Variants in TGM2 observed in about 807,000 individuals in gnomAD.
TGM2 encodes protein-glutamine gamma-glutamyltransferase 2.
Under a neutral mutation model 75.6 loss-of-function variants are expected in TGM2, and 53 were observed. That is an observed-to-expected ratio of 0.70 (90% confidence interval 0.56 to 0.88). The LOEUF is 0.88. TGM2 is among the 40% of genes least tolerant of loss of function. The pLI, the probability that TGM2 is intolerant of heterozygous loss-of-function variation, is 0.00. For synonymous variants in TGM2, 374 were observed against 381.1 expected (o/e 0.98, Z 0.22); for missense variants, 842 against 928.5 (o/e 0.91, Z 1.21).
At chr20:38,142,042 C>T (rs1462126943) in intron 7 of TGM2, 22 bp downstream of exon 7, 4 of 1,614,036 alleles carry the variant, frequency 2.5e-6, no homozygotes, top group Non-Finnish European at 2.5e-6. Flanking sequence ...GGGCTCCGAT[C>T]CCACCCTGGC....
intron 8 of TGM2, 119 bp downstream of exon 8, chr20:38,141,163 T>C (rs2074967309): frequency 1.4e-5 from 10 of 740,194 alleles, no homozygotes; most frequent in South Asian, 1.1e-4. Flanking sequence ...CACCCTTCTG[T>C]GGACCCATCA....
At chr20:38,165,344 G>A (rs1372598853), upstream of TGM2, 8 of 1,247,022 alleles carry the variant, frequency 6.4e-6, no homozygotes, top group East Asian at 5.0e-5. Context: ...CGGGAAGGCG[G>A]CGACCTGGGA....
At chr20:38,147,822 C>A in intron 5 of TGM2, 139 bp downstream of exon 5, 2 of 1,239,116 alleles carry the variant, frequency 1.6e-6, no homozygotes, top group Non-Finnish European at 2.3e-6. Context: ...CTTATCTTTC[C>A]AATATAAGGT....
At position 38,130,091 on chromosome 20, in the gene TGM2, G is replaced by T; in HGVS notation, c.*128C>A. 7.8e-7 allele frequency: 1 copy of T among 1,285,296 alleles called. No individual in the cohort carries two copies. The highest frequency in any genetic ancestry group is 1.1e-6 in the Non-Finnish European group (1 of 927,632). 79.6% of individuals were successfully genotyped at this position (1,285,296 alleles called of 1,614,324 possible). On this transcript the variant is annotated 3_prime_UTR_variant, in exon 13 of 13. Coordinates refer to ENST00000361475, the MANE Select transcript of TGM2 (RefSeq NM_004613.4). The stretch of plus-strand genomic sequence containing the variant: ...GGCCAGGGGCACATTCCATTTCCGA[G>T]AGCCCCCATAGGCTGCCCACCCTGC...
intron 3 of TGM2, among the ~76,000 whole-genome samples, chr20:38,154,086 G>A (rs566102829): frequency 6.8e-4 from 103 of 151,928 alleles, no homozygotes; most frequent in Non-Finnish European, 1.1e-3. Context: ...TCAAAGTGCC[G>A]GGATTACAGG....
chr20:38,148,232 T>G, intron 4 of TGM2, 143 bp from the exon 5 acceptor site: 10 of 1,068,460 alleles, frequency 9.4e-6, no homozygotes, highest in South Asian at 1.4e-5. Context: ...ACCAAATCTC[T>G]CTGGTGGCAG....
chr20:38,156,893 C>G (rs546759868), intron 2 of TGM2, among the ~76,000 whole-genome samples: 1 of 152,318 alleles, frequency 6.6e-6, no homozygotes, highest in East Asian at 1.9e-4. Context: ...TCTCAGTTGT[C>G]TTCTACGGTG....
chr20:38,152,851 C>T (rs367789699), intron 3 of TGM2, among the ~76,000 whole-genome samples: 34 of 152,378 alleles, frequency 2.2e-4, no homozygotes, highest in African/African-American at 7.5e-4. Context: ...TCCAACCCGC[C>T]GCCGGGTGAG....
At chr20:38,149,090 T>C (rs1330225183) in intron 4 of TGM2, among the ~76,000 whole-genome samples, 1 of 152,184 alleles carries the variant, frequency 6.6e-6, no homozygotes, top group East Asian at 1.9e-4. Flanking sequence ...ACACACAAGG[T>C]ATGCCCCAAG....
upstream of TGM2, among the ~76,000 whole-genome samples, chr20:38,167,253 T>TGAAA (rs1377713990): frequency 6.6e-6 from 1 of 152,192 alleles, no homozygotes; most frequent in Non-Finnish European, 1.5e-5. Context: ...CTGCCCCAGA[T>TGAAA]GAAAGGATGG....
In TGM2 at chr20:38,164,835, T is replaced by G. The variant is rs2075293406; in HGVS notation, c.10+354A>C. Among the ~76,000 whole-genome samples, 3 of 152,046 alleles carry G rather than the reference T, an allele frequency of 2.0e-5. No homozygotes were observed. In the South Asian group the frequency reaches 6.2e-4, roughly 31 times the overall value. ...CTGGCTGGCAAGAACCACCCAAACC[T>G]AAGTGTTCTGAGGCCAGGCCAGCAC... On this transcript the variant is annotated intron_variant, in intron 1 of 12. Transcript: ENST00000361475.
chr20:38,168,186 G>A (rs1244355278), upstream of TGM2, among the ~76,000 whole-genome samples: 3 of 152,188 alleles, frequency 2.0e-5, no homozygotes, highest in African/African-American at 7.2e-5. Flanking sequence ...GCATGGCGTT[G>A]AGCAACCCCA....
In TGM2 at chr20:38,138,328, T is replaced by C. The variant is rs2074926400; in HGVS notation, c.1400A>G (p.Glu467Gly). 6.2e-7 allele frequency: 1 copy of C among 1,614,170 alleles called. No homozygotes were observed. Among genetic ancestry groups the C allele is most frequent in the African/African-American group, 1.3e-5 (1 of 75,032 alleles). The change falls in exon 10 of 13, where the codon GAG (glutamate) becomes GGG (glycine). Residue 467 changes from glutamate (E) to glycine (G), a missense_variant. Coordinates refer to ENST00000361475, the MANE Select transcript of TGM2 (RefSeq NM_004613.4). ...CATGGCCATCCCTGTCTCCTCCTTC[T>C]CGGCCAGTTTGTTCAGGTGGTTCGC... is the stretch of plus-strand genomic sequence containing the variant. ...TRANHLNKLAEKEETGMAMRI... is the reference protein window; with the variant it reads ...TRANHLNKLAGKEETGMAMRI...
At chr20:38,141,978 T>C in intron 7 of TGM2, 86 bp downstream of exon 7, 1 of 1,545,578 alleles carries the variant, frequency 6.5e-7, no homozygotes. Flanking sequence ...AATTCAAATG[T>C]GACCTCCTCC....
rs1260502934 is a variant in TGM2 at position 38,165,090 on chromosome 20, G to C, written c.10+99C>G. On this transcript the variant is annotated intron_variant, in intron 1 of 12. Transcript: ENST00000361475. ...CCTCACCCAGCCCGGTCTGCCTGTT[G>C]CTCTCCAAATCAGGACTTAGGGATT... 7 of 1,577,420 alleles carry C rather than the reference G, an allele frequency of 4.4e-6. No homozygotes were observed. In the African/African-American group the frequency reaches 9.4e-5, roughly 21 times the overall value.
chr20:38,144,667 G>A (rs2075023008), intron 6 of TGM2, among the ~76,000 whole-genome samples: 2 of 152,186 alleles, frequency 1.3e-5, no homozygotes, highest in South Asian at 4.1e-4. Context: ...GAGGCTTGGA[G>A]GCATCAATTC....
chr20:38,139,289 CG>C (rs2074938980), intron 9 of TGM2, 122 bp downstream of exon 9: 1 of 1,401,254 alleles, frequency 7.1e-7, no homozygotes, highest in Non-Finnish European at 1.0e-6. Context: ...GTATAGCCTA[CG>C]GGGCCATTGC....
At chr20:38,132,161 C>A (rs1369945116) in intron 11 of TGM2, among the ~76,000 whole-genome samples, 179 bp downstream of exon 11, 1 of 152,122 alleles carries the variant, frequency 6.6e-6, no homozygotes, top group Non-Finnish European at 1.5e-5. Context: ...GGCTACGAGT[C>A]CCCAATTCTC....
chr20:38,160,568 G>T (rs991350509), intron 2 of TGM2, among the ~76,000 whole-genome samples: 1 of 152,196 alleles, frequency 6.6e-6, no homozygotes, highest in Non-Finnish European at 1.5e-5. Context: ...TTTGCCTAAG[G>T]TCACACAGCA....
Sources: allele counts gnomAD v4.1 joint callset (sites outside exome capture counted in the v4.1 genomes callset), GRCh38; gene constraint gnomAD v4.1.1; transcripts MANE v1.5; gene names NCBI Gene and HGNC (gene_info 2026-07-23, HGNC 2026-07-21).